The following CDH2 variants were observed in gnomAD, a reference collection of about 807,000 sequenced individuals.
CDH2 encodes the protein cadherin-2.
Under a neutral mutation model 92.0 loss-of-function variants are expected in CDH2, and 17 were observed. The ratio of observed to expected loss-of-function variants is 0.18; its 90% CI spans 0.13 to 0.28. The LOEUF (loss-of-function observed/expected upper bound fraction) is 0.28. Ranked by LOEUF, CDH2 falls within the 10% of genes least tolerant of loss-of-function variation. CDH2 has a pLI of 1.00. For missense variants in CDH2, 862 were observed against 1,133.1 expected, an observed-to-expected ratio of 0.76 and a Z score of 3.44; for synonymous variants, 419 against 415.9, an observed-to-expected ratio of 1.01 and a Z score of -0.09.
At chr18:28,023,275 T>C (rs2013458836) in intron 2 of CDH2, among the ~76,000 whole-genome samples, 1 of 152,178 alleles carries the variant, frequency 6.6e-6, no homozygotes, top group African/African-American at 2.4e-5. Context: ...ATAGCCTTTA[T>C]AGCTTCATGC....
chr18:28,002,630 T>C (rs2012801704), intron 7 of CDH2, among the ~76,000 whole-genome samples: 2 of 152,212 alleles, frequency 1.3e-5, no homozygotes, highest in Non-Finnish European at 2.9e-5. Context: ...AACACAAGCA[T>C]TAACAATTAT....
At chr18:28,097,871 A>G (rs974091649) in intron 2 of CDH2, among the ~76,000 whole-genome samples, 20 of 152,164 alleles carry the variant, frequency 1.3e-4, no homozygotes, top group Non-Finnish European at 2.6e-4. Flanking sequence ...CATGTTCCTA[A>G]AAAGATTTTC....
At position 28,011,900 on chromosome 18, in the gene CDH2, A is replaced by T. The variant is rs776822992; in HGVS notation, c.492T>A (p.Pro164=). Residue 164 remains proline (P), a synonymous_variant, in exon 4 of 16, where the codon CCT becomes CCA. Coordinates refer to ENST00000269141, the MANE Select transcript of CDH2 (RefSeq NM_001792.5). ...TGGAGTTTTCTGGCAAGTTGATTGGAGGGATGACCCAGTCTCTCTTCTGCC... is the reference window on the plus strand; with the variant it reads ...TGGAGTTTTCTGGCAAGTTGATTGGTGGGATGACCCAGTCTCTCTTCTGCC... ...LQRQKRDWVI[P]PINLPENSRG... 6.8e-6 allele frequency: 11 copies of T among 1,613,946 alleles called. No homozygotes were observed.
intron 14 of CDH2, among the ~76,000 whole-genome samples, chr18:27,970,475 T>A (rs1311356956): frequency 1.7e-4 from 26 of 152,216 alleles, no homozygotes; most frequent in Admixed American, 1.7e-3. Context: ...CTTCCCTAGT[T>A]TATGACACAT....
In CDH2 at chr18:27,953,313, T is replaced by TA. The variant is rs747811465; in HGVS notation, c.2515-955dup. Among the ~76,000 whole-genome samples, 107 of 152,316 alleles carry TA rather than the reference T, an allele frequency of 7.0e-4. No individual in the cohort carries two copies. In the Middle Eastern group the frequency reaches 0.014, roughly 19 times the overall value. Reference sequence around the variant, plus strand: ...AAGCAGATGCTTTTTAATATACAATTAGAGTCTCTATGCTCTGCAAAACTT... The same window carrying TA: ...AAGCAGATGCTTTTTAATATACAATTAAGAGTCTCTATGCTCTGCAAAACTT... On this transcript the variant is annotated intron_variant, in intron 15 of 15. Coordinates refer to ENST00000269141, the MANE Select transcript of CDH2 (RefSeq NM_001792.5).
At chr18:28,081,811 A>G (rs17446358) in intron 2 of CDH2, among the ~76,000 whole-genome samples, 3,669 of 152,274 alleles carry the variant, frequency 0.024, 63 homozygotes, top group East Asian at 0.053. Context: ...AACTTCATAT[A>G]TAAGTTAGCA....
At chr18:27,953,597 GT>G (rs1320754913) in intron 15 of CDH2, among the ~76,000 whole-genome samples, 1 of 151,968 alleles carries the variant, frequency 6.6e-6, no homozygotes, top group African/African-American at 2.4e-5. Context: ...ATGAGCATGT[GT>G]TCACCTATCC....
At chr18:27,975,048 T>TA (rs148484597) in intron 14 of CDH2, among the ~76,000 whole-genome samples, 3,613 of 152,114 alleles carry the variant, frequency 0.024, 146 homozygotes, top group African/African-American at 0.082. Flanking sequence ...CTTTAAAACT[T>TA]AAAAAAACAC....
intron 1 of CDH2, among the ~76,000 whole-genome samples, chr18:28,155,680 C>T (rs1042878235): frequency 6.6e-6 from 1 of 152,166 alleles, no homozygotes; most frequent in Admixed American, 6.5e-5. Flanking sequence ...TTAATGAAGA[C>T]ACTGTTAACG....
intron 2 of CDH2, among the ~76,000 whole-genome samples, chr18:28,048,352 T>C (rs939466556): frequency 6.6e-6 from 1 of 152,114 alleles, no homozygotes; most frequent in Non-Finnish European, 1.5e-5. Context: ...CAGTAAACTT[T>C]TCCATTACAG....
intron 2 of CDH2, among the ~76,000 whole-genome samples, chr18:28,040,277 TAAC>T (rs1456801069): frequency 1.2e-4 from 19 of 152,146 alleles, no homozygotes; most frequent in Non-Finnish European, 2.9e-5. Context: ...ATAGTACTCC[TAAC>T]TTATAGCTAT....
intron 2 of CDH2, among the ~76,000 whole-genome samples, chr18:28,095,117 T>C (rs986111462): frequency 3.3e-5 from 5 of 152,254 alleles, no homozygotes; most frequent in African/African-American, 1.2e-4. Context: ...GACTCAAGTT[T>C]TTCCTCCTTG....
At chr18:27,983,408 G>T (rs189336906) in intron 13 of CDH2, among the ~76,000 whole-genome samples, 1 of 152,294 alleles carries the variant, frequency 6.6e-6, no homozygotes. Context: ...CTTGCTAGAG[G>T]ATAGTTGCCC....
intron 1 of CDH2, among the ~76,000 whole-genome samples, chr18:28,165,064 C>T (rs1271469820): frequency 2.0e-5 from 3 of 152,166 alleles, no homozygotes; most frequent in South Asian, 4.1e-4. Flanking sequence ...CAAACTTATT[C>T]AAACAATTAA....
chr18:27,993,620 C>T lies in CDH2; in HGVS notation c.1038G>A (p.Thr346=), dbSNP rs140193518. The change falls in exon 8 of 16, where the codon ACG becomes ACA. Residue 346 remains threonine, a synonymous_variant. Transcript: ENST00000269141. ...GLDREKVQQY[T]LIIQATDMEG... ...CCATGTCTGTAGCTTGAATTATTAACGTATACTGTTGCACTTTCTAAAAAG... is the reference window on the plus strand; with the variant it reads ...CCATGTCTGTAGCTTGAATTATTAATGTATACTGTTGCACTTTCTAAAAAG... 1.7e-5 allele frequency: 28 copies of T among 1,612,160 alleles called. No individual in the cohort carries two copies. The highest frequency in any genetic ancestry group is 5.5e-5 in the South Asian group (5 of 90,976).
At chr18:28,089,091 C>G (rs1019238088) in intron 2 of CDH2, among the ~76,000 whole-genome samples, 2 of 152,152 alleles carry the variant, frequency 1.3e-5, no homozygotes, top group Non-Finnish European at 2.9e-5. Context: ...AGAGGAGGAA[C>G]AGAGCTCATC....
At chr18:28,002,078 T>C (rs2012785124) in intron 7 of CDH2, among the ~76,000 whole-genome samples, 1 of 152,212 alleles carries the variant, frequency 6.6e-6, no homozygotes, top group Non-Finnish European at 1.5e-5. Flanking sequence ...ATAATGACCT[T>C]GAGAGTCTGT....
chr18:27,976,945 T>C (rs191445504), intron 14 of CDH2, among the ~76,000 whole-genome samples: 208 of 152,322 alleles, frequency 1.4e-3, no homozygotes, highest in African/African-American at 4.7e-3. Context: ...TATTGTACAT[T>C]CACCCTGATT....
At chr18:28,132,061 GGA>G (rs1461738449) in intron 2 of CDH2, among the ~76,000 whole-genome samples, 2 of 152,112 alleles carry the variant, frequency 1.3e-5, no homozygotes, top group East Asian at 3.9e-4. Flanking sequence ...ACAGCAGTAT[GGA>G]CCCCTTGTTC....
Sources: allele counts gnomAD v4.1 joint callset (sites outside exome capture counted in the v4.1 genomes callset), GRCh38; gene constraint gnomAD v4.1.1; transcripts MANE v1.5; gene names NCBI Gene and HGNC (gene_info 2026-07-23, HGNC 2026-07-21).